ARHGAP17: variants seen among roughly 807,000 people sequenced by gnomAD.
ARHGAP17 encodes Rho GTPase activating protein 17.
Under a neutral mutation model 99.5 loss-of-function variants are expected in ARHGAP17, and 57 were observed. The ratio of observed to expected loss-of-function variants is 0.57; its 90% CI spans 0.46 to 0.71. The LOEUF (loss-of-function observed/expected upper bound fraction) is 0.71. Ranked by LOEUF, ARHGAP17 falls within the 30% of genes least tolerant of loss-of-function variation. ARHGAP17 has a pLI of 0.00. For synonymous variants in ARHGAP17, 417 were observed against 429.6 expected (o/e 0.97, Z 0.36); for missense variants, 1,000 against 1,122.4 (o/e 0.89, Z 1.56).
In ARHGAP17 at chr16:24,935,258, G is replaced by A. The variant is rs545908846; in HGVS notation, c.1894+212C>T. ...CTGACTGTTTGTTAAGCTTTGTCAC[G>A]CCTAAGGAAAAACTAAATGTCTGCT... On this transcript the variant is annotated intron_variant, in intron 18 of 19. Coordinates refer to ENST00000289968, the MANE Select transcript of ARHGAP17 (RefSeq NM_001006634.3). Among the ~76,000 whole-genome samples the A allele has an allele frequency of 6.6e-5, 10 of 152,250 alleles. No homozygotes were observed. The South Asian group carries it at 1.9e-3, about 28-fold the overall frequency.
intron 1 of ARHGAP17, among the ~76,000 whole-genome samples, chr16:24,982,872 G>T (rs1423210283): frequency 1.3e-5 from 2 of 148,248 alleles, no homozygotes; most frequent in African/African-American, 5.0e-5. Context: ...AAGCAAGGCA[G>T]GGGGCAAGAG....
At chr16:24,972,522 C>G (rs1184744514) in intron 3 of ARHGAP17, 1 of 152,134 alleles carries the variant, frequency 6.6e-6, no homozygotes, top group African/African-American at 2.4e-5. Context: ...TCCATCTGCA[C>G]TACAAGGAGA....
chr16:25,001,395 T>C (rs1313467549), intron 1 of ARHGAP17, among the ~76,000 whole-genome samples: 3 of 152,220 alleles, frequency 2.0e-5, no homozygotes, highest in Non-Finnish European at 4.4e-5. Flanking sequence ...GGGTTTTATT[T>C]ATTTTTGAAC....
chr16:24,987,963 T>C (rs867749585), intron 1 of ARHGAP17, among the ~76,000 whole-genome samples: 24 of 152,340 alleles, frequency 1.6e-4, no homozygotes, highest in African/African-American at 4.6e-4. Flanking sequence ...CAACATGATT[T>C]GTATTCACAG....
intron 17 of ARHGAP17, among the ~76,000 whole-genome samples, chr16:24,937,814 C>T (rs940187940): frequency 3.9e-5 from 6 of 152,230 alleles, no homozygotes; most frequent in African/African-American, 1.4e-4. Context: ...AAATTCATCT[C>T]TCTGTGTGGG....
At chr16:24,987,693 T>TG (rs1313773707) in intron 1 of ARHGAP17, among the ~76,000 whole-genome samples, 2 of 152,148 alleles carry the variant, frequency 1.3e-5, no homozygotes, top group Admixed American at 6.6e-5. Flanking sequence ...CCACTGCCTC[T>TG]GGGCTCACAG....
chr16:24,940,614 C>T (rs2051286377), intron 16 of ARHGAP17, among the ~76,000 whole-genome samples: 1 of 152,098 alleles, frequency 6.6e-6, no homozygotes, highest in Admixed American at 6.6e-5. Context: ...GGTGGGAGGG[C>T]TGCCTGAGCC....
chr16:24,931,146 G>A lies in ARHGAP17; in HGVS notation c.2153C>T (p.Pro718Leu). The A allele has an allele frequency of 6.2e-7, 1 of 1,603,054 alleles. No homozygotes were observed. The highest frequency in any genetic ancestry group is 8.5e-7 in the Non-Finnish European group (1 of 1,175,026). ...CATCAGTGGCGTGGCCTGCGTAGGG[G>A]GCTGCGGCGGTGGGTGATTGGGAGC... ...IQAPNHPPPQPPTQATPLMHT... is the reference protein window; with the variant it reads ...IQAPNHPPPQLPTQATPLMHT... The change falls in exon 19 of 20, where the codon CCC (proline) becomes CTC (leucine). Residue 718 changes from proline to leucine, a missense_variant. Physicochemically the swap from Pro to Leu is moderately conservative, Grantham distance 98. Around this residue, in one of 2 missense-constraint regions of ARHGAP17, gnomAD observed 528 missense variants for 511.4 expected, o/e 1.03. Transcript: ENST00000289968.
chr16:24,953,388 T>C (rs933094947), intron 10 of ARHGAP17, among the ~76,000 whole-genome samples: 6 of 152,170 alleles, frequency 3.9e-5, no homozygotes, highest in Non-Finnish European at 7.4e-5. Context: ...CCAAATCTCA[T>C]GTGGAAGTAT....
intron 1 of ARHGAP17, among the ~76,000 whole-genome samples, chr16:24,986,406 G>A (rs767764140): frequency 2.6e-5 from 4 of 152,140 alleles, no homozygotes; most frequent in Non-Finnish European, 4.4e-5. Flanking sequence ...AACTATACCC[G>A]CAGGCTCAAT....
intron 13 of ARHGAP17, chr16:24,948,850 C>A (rs190513440): frequency 6.6e-6 from 1 of 151,482 alleles, no homozygotes; most frequent in African/African-American, 2.4e-5. Flanking sequence ...GCCACTTTTT[C>A]CTTTTCTCTA....
At chr16:24,962,175 GA>G (rs2052031274) in intron 7 of ARHGAP17, among the ~76,000 whole-genome samples, 1 of 151,340 alleles carries the variant, frequency 6.6e-6, no homozygotes, top group African/African-American at 2.4e-5. Context: ...AGAGAAAGAA[GA>G]AAAAGAAGCA....
At position 24,942,124 on chromosome 16, in the gene ARHGAP17, T is replaced by C. The variant is rs2051329708; in HGVS notation, c.1353A>G (p.Ser451=). Residue 451 remains serine, a synonymous_variant, in exon 16 of 20, where the codon TCA becomes TCG. Coordinates refer to ENST00000289968, the MANE Select transcript of ARHGAP17 (RefSeq NM_001006634.3). ...FFPEEVEFNV[S]EAFVPLTTPS... is the part of the protein sequence containing the mutation. ...GGGTGGTGAGAGGTACAAATGCTTC[T>C]GATACATTAAATTCCACCTCTGCAA... 1.2e-6 allele frequency: 2 copies of C among 1,610,974 alleles called. No homozygotes were observed. Among genetic ancestry groups the C allele is most frequent in the Non-Finnish European group, 1.7e-6 (2 of 1,178,130 alleles).
At chr16:24,987,074 T>A in intron 1 of ARHGAP17, among the ~76,000 whole-genome samples, 1 of 152,218 alleles carries the variant, frequency 6.6e-6, no homozygotes, top group South Asian at 2.1e-4. Context: ...AAGACCTAAA[T>A]AAACACAGTT....
intron 16 of ARHGAP17, among the ~76,000 whole-genome samples, chr16:24,941,461 C>T (rs932045858): frequency 3.3e-5 from 5 of 152,160 alleles, no homozygotes; most frequent in African/African-American, 1.2e-4. Context: ...AAGTTCAACA[C>T]TGCCATTTTT....
At chr16:24,987,287 G>A (rs1164057717) in intron 1 of ARHGAP17, among the ~76,000 whole-genome samples, 1 of 152,148 alleles carries the variant, frequency 6.6e-6, no homozygotes. Flanking sequence ...ATGAACTACT[G>A]TTCCTCTTTT....
chr16:24,939,390 C>T lies in ARHGAP17; in HGVS notation c.1698G>A (p.Glu566=). The T allele has an allele frequency of 6.2e-7, 1 of 1,609,156 alleles. No homozygotes were observed. The highest frequency in any genetic ancestry group is 1.1e-5 in the South Asian group (1 of 90,488). Residue 566 remains glutamate, a synonymous_variant, in exon 17 of 20, where the codon GAG becomes GAA. Transcript: ENST00000289968. ...GTVPSSAGIL[E]QGPSPGDGSP... is the part of the protein sequence containing the mutation. ...TGCCGTCGCCTGGGCTCGGCCCCTG[C>T]TCCAGTATGCCCGCGGAAGAGGGGA...
intron 4 of ARHGAP17, among the ~76,000 whole-genome samples, chr16:24,969,099 A>C (rs2052283922): frequency 6.6e-6 from 1 of 152,212 alleles, no homozygotes; most frequent in Non-Finnish European, 1.5e-5. Flanking sequence ...AGATCTTTTA[A>C]ATTAGACATT....
chr16:25,001,908 CTG>C (rs2053370340), intron 1 of ARHGAP17, among the ~76,000 whole-genome samples: 2 of 152,116 alleles, frequency 1.3e-5, no homozygotes, highest in Admixed American at 6.5e-5. Context: ...AAGCGAAACC[CTG>C]TCTCTACTAA....
Sources: allele counts gnomAD v4.1 joint callset (sites outside exome capture counted in the v4.1 genomes callset), GRCh38; gene constraint gnomAD v4.1.1; regional missense constraint gnomAD v4.1.1; transcripts MANE v1.5; gene names NCBI Gene and HGNC (gene_info 2026-07-23, HGNC 2026-07-21).